The following SEMA6D variants were observed in gnomAD, a reference collection of about 807,000 sequenced individuals.
SEMA6D encodes semaphorin 6D, also known as semaphorin-6D.
SEMA6D carries 35 observed loss-of-function variants against 106.6 expected under a neutral mutation model. That is an observed-to-expected ratio of 0.33 (90% confidence interval 0.25 to 0.44). The LOEUF is 0.44. Among genes scored for constraint, SEMA6D ranks in the 20% least tolerant of loss-of-function variants. SEMA6D has a pLI of 1.00. For synonymous variants in SEMA6D, 499 were observed against 487.7 expected, an observed-to-expected ratio of 1.02 and a Z score of -0.31; for missense variants, 1,185 against 1,345.9, an observed-to-expected ratio of 0.88 and a Z score of 1.87.
chr15:47,558,240 A>G (rs1240523389), intron 3 of SEMA6D, among the ~76,000 whole-genome samples: 1 of 152,160 alleles, frequency 6.6e-6, no homozygotes, highest in Non-Finnish European at 1.5e-5. Flanking sequence ...AATTGGTAGA[A>G]CCAAGGTTGA....
At chr15:47,416,226 A>G (rs1160046306) in intron 2 of SEMA6D, among the ~76,000 whole-genome samples, 2 of 152,104 alleles carry the variant, frequency 1.3e-5, no homozygotes, top group Non-Finnish European at 2.9e-5. Context: ...TGGCAGCATC[A>G]TTTGTACCTT....
At chr15:47,604,103 G>A (rs952224408) in intron 4 of SEMA6D, 3 of 152,156 alleles carry the variant, frequency 2.0e-5, no homozygotes, top group South Asian at 2.1e-4. Flanking sequence ...TGATGCTCTT[G>A]GCAATGACTA....
At chr15:47,432,540 GTGT>G (rs2041566796) in intron 2 of SEMA6D, among the ~76,000 whole-genome samples, 1 of 76,676 alleles carries the variant, frequency 1.3e-5, no homozygotes, top group Non-Finnish European at 2.9e-5. Flanking sequence ...ATACACATAT[GTGT>G]TATGTGTATA....
chr15:47,355,652 C>G (rs2038536527), intron 1 of SEMA6D, among the ~76,000 whole-genome samples: 1 of 152,150 alleles, frequency 6.6e-6, no homozygotes, highest in Non-Finnish European at 1.5e-5. Context: ...CTTAGGACCA[C>G]ACTTAACCTG....
intron 4 of SEMA6D, among the ~76,000 whole-genome samples, chr15:47,634,910 A>G (rs1252578037): frequency 3.3e-5 from 5 of 152,194 alleles, no homozygotes; most frequent in Admixed American, 3.3e-4. Flanking sequence ...TCTGACTGGA[A>G]TGTGGAAGGT....
intron 1 of SEMA6D, among the ~76,000 whole-genome samples, chr15:47,276,903 G>A (rs1342457433): frequency 2.6e-5 from 4 of 152,140 alleles, no homozygotes; most frequent in Non-Finnish European, 5.9e-5. Flanking sequence ...GGCATAAAGA[G>A]CATTCATGAT....
intron 3 of SEMA6D, among the ~76,000 whole-genome samples, chr15:47,483,426 G>GT (rs1227677137): frequency 6.6e-6 from 1 of 152,064 alleles, no homozygotes; most frequent in African/African-American, 2.4e-5. Flanking sequence ...GAGTCTCCAT[G>GT]TTTCTTTCAT....
Position 47,765,858 on chromosome 15 carries a change from C to T in SEMA6D, c.1428-11C>T. On this transcript the variant is annotated splice_polypyrimidine_tract_variant and intron_variant, in intron 13 of 18. Coordinates refer to ENST00000536845, the MANE Select transcript of SEMA6D (RefSeq NM_001358351.3). ...TAAACATATGGCTTCAAAATGTATCCCACAAAATAGGTGCAGTGCTGAGAA... is the reference window on the plus strand; with the variant it reads ...TAAACATATGGCTTCAAAATGTATCTCACAAAATAGGTGCAGTGCTGAGAA... The T allele has an allele frequency of 6.7e-7, 1 of 1,486,790 alleles. No homozygotes were observed. The allele number at this position is 1,486,790 out of a possible 1,614,324, so 92.1% of individuals were successfully genotyped here.
At chr15:47,460,334 A>G (rs1445432356) in intron 2 of SEMA6D, among the ~76,000 whole-genome samples, 2 of 152,106 alleles carry the variant, frequency 1.3e-5, no homozygotes, top group Non-Finnish European at 2.9e-5. Context: ...AGAAGTGAAG[A>G]TTTAAGCCAA....
chr15:47,618,528 A>ATC (rs1476365694), intron 4 of SEMA6D, among the ~76,000 whole-genome samples: 11 of 152,262 alleles, frequency 7.2e-5, no homozygotes, highest in Admixed American at 7.2e-4. Context: ...AATGTGGCTG[A>ATC]TCTCGTCACT....
At chr15:47,290,900 C>A (rs1451482822) in intron 1 of SEMA6D, among the ~76,000 whole-genome samples, 1 of 152,162 alleles carries the variant, frequency 6.6e-6, no homozygotes. Flanking sequence ...AGCCAGATAA[C>A]AGAGTTGTAT....
At chr15:47,357,598 A>C (rs1807237) in intron 1 of SEMA6D, among the ~76,000 whole-genome samples, 95,944 of 151,406 alleles carry the variant, frequency 0.63, 31,416 homozygotes, top group Non-Finnish European at 0.72. Context: ...AAGGTGTAGG[A>C]TGGGGAGCTA....
chr15:47,746,298 T>C (rs2081127306), intron 1 of SEMA6D, among the ~76,000 whole-genome samples: 1 of 152,200 alleles, frequency 6.6e-6, no homozygotes, highest in African/African-American at 2.4e-5. Flanking sequence ...TGTGAGCCTT[T>C]TAAAATAGAG....
intron 4 of SEMA6D, among the ~76,000 whole-genome samples, chr15:47,687,208 A>G (rs2078489176): frequency 6.6e-6 from 1 of 152,186 alleles, no homozygotes; most frequent in South Asian, 2.1e-4. Context: ...CTTGCCATGA[A>G]TAATTTTGAG....
At chr15:47,427,622 A>G (rs2041383298) in intron 2 of SEMA6D, among the ~76,000 whole-genome samples, 1 of 152,160 alleles carries the variant, frequency 6.6e-6, no homozygotes, top group Non-Finnish European at 1.5e-5. Flanking sequence ...TATTTGCTAA[A>G]TATGTGACCT....
chr15:47,306,821 A>G (rs956552036), intron 1 of SEMA6D, among the ~76,000 whole-genome samples: 2 of 152,268 alleles, frequency 1.3e-5, no homozygotes, highest in African/African-American at 2.4e-5. Context: ...AACAAATTAT[A>G]TACATATCCT....
At chr15:47,360,280 A>G (rs1038029762) in intron 1 of SEMA6D, among the ~76,000 whole-genome samples, 5 of 152,174 alleles carry the variant, frequency 3.3e-5, no homozygotes, top group South Asian at 2.1e-4. Flanking sequence ...ATCATTCTTC[A>G]GTTCCCCCCC....
intron 1 of SEMA6D, among the ~76,000 whole-genome samples, chr15:47,237,458 T>G (rs1308942691): frequency 6.6e-6 from 1 of 152,086 alleles, no homozygotes; most frequent in East Asian, 1.9e-4. Flanking sequence ...TTCTCTCAAA[T>G]TGCACTATGT....
At chr15:47,644,051 T>C (rs970102550) in intron 4 of SEMA6D, among the ~76,000 whole-genome samples, 1 of 152,152 alleles carries the variant, frequency 6.6e-6, no homozygotes, top group Non-Finnish European at 1.5e-5. Context: ...TCCCTGGCTA[T>C]ATACCTGGGG....
Sources: allele counts gnomAD v4.1 joint callset (sites outside exome capture counted in the v4.1 genomes callset), GRCh38; gene constraint gnomAD v4.1.1; transcripts MANE v1.5; gene names NCBI Gene and HGNC (gene_info 2026-07-23, HGNC 2026-07-21).